The following ALDH1A3 variants were observed in gnomAD, a reference collection of about 807,000 sequenced individuals.
ALDH1A3 encodes aldehyde dehydrogenase 1 family member A3.
In ALDH1A3, 28 loss-of-function variants were observed where a neutral mutation model predicts 57.5. The observed-to-expected ratio is 0.49, with a 90% CI of 0.36 to 0.67. ALDH1A3 has a LOEUF of 0.67. Among genes scored for constraint, ALDH1A3 ranks in the 30% least tolerant of loss-of-function variants. The probability of loss-of-function intolerance (pLI) is 0.00; values close to 1 mark genes in which losing one functional copy is unlikely to be tolerated. For missense variants in ALDH1A3, 507 were observed against 669.4 expected (o/e 0.76, Z 2.68); for synonymous variants, 281 against 264.8 (o/e 1.06, Z -0.59).
At chr15:100,913,316 T>G (rs910672823) in intron 12 of ALDH1A3, 5 of 152,268 alleles carry the variant, frequency 3.3e-5, no homozygotes, top group African/African-American at 1.2e-4. Context: ...GATAAAAATC[T>G]GACACAGGTC....
intron 12 of ALDH1A3, chr15:100,914,166 C>G (rs2041908546): frequency 6.5e-6 from 1 of 153,294 alleles, no homozygotes. Context: ...ACAGCTGGTC[C>G]CCAGCTGTGC....
At chr15:100,904,890 G>T (rs1220555052) in intron 9 of ALDH1A3, among the ~76,000 whole-genome samples, 1 of 152,168 alleles carries the variant, frequency 6.6e-6, no homozygotes, top group Non-Finnish European at 1.5e-5. Flanking sequence ...GTCCCCAGGG[G>T]TGTTGAGTAA....
At position 100,891,079 on chromosome 15, in the gene ALDH1A3, G is replaced by A. The variant is rs28711429; in HGVS notation, c.346-1431G>A. ...GTGAGGATCGCCAAGCCCTTCTCTGGTGCCTAAAGGGAAGTTGATGATAGT... is the reference window on the plus strand; with the variant it reads ...GTGAGGATCGCCAAGCCCTTCTCTGATGCCTAAAGGGAAGTTGATGATAGT... On this transcript the variant is annotated intron_variant, in intron 3 of 12. Transcript: ENST00000329841. Among the ~76,000 whole-genome samples, 1,073 of 152,296 alleles carry A rather than the reference G, an allele frequency of 7.0e-3. 15 individuals are homozygous for A. Among genetic ancestry groups the A allele is most frequent in the East Asian group, 0.023 (118 of 5,176 alleles).
chr15:100,908,966 C>T (rs972353342), intron 12 of ALDH1A3, among the ~76,000 whole-genome samples: 2 of 152,302 alleles, frequency 1.3e-5, no homozygotes, highest in Middle Eastern at 3.4e-3. Context: ...TCCTGCTGGG[C>T]CTCTGCGGCC....
In ALDH1A3 at chr15:100,887,259, C is replaced by T. The variant is rs1396242861; in HGVS notation, c.205-313C>T. Among the ~76,000 whole-genome samples the T allele has an allele frequency of 1.3e-5, 2 of 152,108 alleles. No individual in the cohort carries two copies. The highest frequency in any genetic ancestry group is 4.8e-5 in the African/African-American group (2 of 41,396). On this transcript the variant is annotated intron_variant, in intron 2 of 12. Coordinates refer to ENST00000329841, the MANE Select transcript of ALDH1A3 (RefSeq NM_000693.4). This position sits in a 1 kb window ranked among gnomAD's most constrained non-coding sequence, Gnocchi z 4.6. ...TGGCCGTGGTCCCAAACTGCAGTCA[C>T]GTCAAAAGATGACACCCAAACTGCA...
intron 3 of ALDH1A3, 54 bp from the exon 4 acceptor site, chr15:100,892,456 A>C: frequency 6.2e-7 from 1 of 1,608,464 alleles, no homozygotes; most frequent in Non-Finnish European, 8.5e-7. Flanking sequence ...ACAACCTGAC[A>C]GTGCAAAAGA....
rs574567877 is a variant in ALDH1A3, at chr15:100,894,986, G to T, written c.666+904G>T. 10 of 152,312 alleles carry T rather than the reference G, an allele frequency of 6.6e-5. No individual in the cohort carries two copies. The highest frequency in any genetic ancestry group is 2.4e-4 in the African/African-American group (10 of 41,574). 9.4% of individuals were successfully genotyped at this position (152,312 alleles called of 1,614,324 possible). A position where few individuals can be genotyped will look rare whatever the true frequency, so the allele number is the denominator to read the frequency against. On this transcript the variant is annotated intron_variant, in intron 6 of 12. Coordinates refer to ENST00000329841, the MANE Select transcript of ALDH1A3 (RefSeq NM_000693.4). The surrounding 1 kb of genome is among the most constrained non-coding windows in gnomAD (Gnocchi z 4.5). ...GGGAAGAGCATCCTCCACCTCGTTTGTTTTGTGTTCTCGCCTGATAAAGAG... is the reference window on the plus strand; with the variant it reads ...GGGAAGAGCATCCTCCACCTCGTTTTTTTTGTGTTCTCGCCTGATAAAGAG...
In ALDH1A3 at chr15:100,900,733, G is replaced by T. The variant is rs772610695; in HGVS notation, c.1042G>T (p.Asp348Tyr). Residue 348 changes from aspartate to tyrosine, a missense_variant, in exon 9 of 13, where the codon GAT (aspartate) becomes TAT (tyrosine). Transcript: ENST00000329841. The stretch of plus-strand genomic sequence containing the variant: ...GAAACGGCCCGTGGGAGACCCCTTC[G>T]ATGTCAAAACAGAACAGGGGCCTCA... Reference protein sequence around the residue: ...AKKRPVGDPFDVKTEQGPQID... With the variant: ...AKKRPVGDPFYVKTEQGPQID... The T allele has an allele frequency of 2.5e-6, 4 of 1,614,076 alleles. No individual in the cohort carries two copies. The highest frequency in any genetic ancestry group is 3.4e-6 in the Non-Finnish European group (4 of 1,179,996).
In ALDH1A3 at chr15:100,893,809, T is replaced by C; in HGVS notation, c.538-145T>C. The C allele has an allele frequency of 9.0e-7, 1 of 1,113,342 alleles. No homozygotes were observed. The highest frequency in any genetic ancestry group is 1.3e-6 in the Non-Finnish European group (1 of 788,448). The allele number at this position is 1,113,342 out of a possible 1,614,324, so 69.0% of individuals were successfully genotyped here. A position where few individuals can be genotyped will look rare whatever the true frequency, so the allele number is the denominator to read the frequency against. ...GAAGTGCTGTGCAGGATTGCAGTTC[T>C]GATCATTGCACACTCCTATGTTACC... On this transcript the variant is annotated intron_variant, in intron 5 of 12. Coordinates refer to ENST00000329841, the MANE Select transcript of ALDH1A3 (RefSeq NM_000693.4). This position sits in a 1 kb window ranked among gnomAD's most constrained non-coding sequence, Gnocchi z 4.8.
chr15:100,889,360 T>TG lies in ALDH1A3; in HGVS notation c.345+1649dup, dbSNP rs1446359630. 6.6e-6 allele frequency among the ~76,000 whole-genome samples: 1 copy of TG among 152,020 alleles called. No individual in the cohort carries two copies. The highest frequency in any genetic ancestry group is 2.4e-5 in the African/African-American group (1 of 41,368). ...ACTCTTGGGTGCATTTCCCTAAGGGTGCATCCACACAGAAACTCGAGCTCC... is the reference window on the plus strand; with the variant it reads ...ACTCTTGGGTGCATTTCCCTAAGGGTGGCATCCACACAGAAACTCGAGCTCC... On this transcript the variant is annotated intron_variant, in intron 3 of 12. Transcript: ENST00000329841. This position sits in a 1 kb window ranked among gnomAD's most constrained non-coding sequence, Gnocchi z 5.1.
intron 7 of ALDH1A3, among the ~76,000 whole-genome samples, chr15:100,896,706 GA>G (rs2041707507): frequency 6.6e-6 from 1 of 152,076 alleles, no homozygotes; most frequent in South Asian, 2.1e-4. Flanking sequence ...TTCAAAAAAA[GA>G]AAAAACTACT....
At position 100,892,585 on chromosome 15, in the gene ALDH1A3, C is replaced by A; in HGVS notation, c.421C>A (p.Leu141Ile). Residue 141 changes from leucine (L) to isoleucine (I), a missense_variant, in exon 4 of 13, where the codon CTC (leucine) becomes ATC (isoleucine). Physicochemically the swap from Leu to Ile is conservative, Grantham distance 5. This residue lies in a region of ALDH1A3 where 432 missense variants were observed against 608.4 expected (regional missense o/e 0.71). Transcript: ENST00000329841. ...CGACCTGGAGGGCTGTATTAGAACC[C>A]TCAGATACTTTGCAGGGTGGGCAGA... ...FIDLEGCIRT[L>I]RYFAGWADKI... is the part of the protein sequence containing the mutation. 6.2e-7 allele frequency: 1 copy of A among 1,613,404 alleles called. No individual in the cohort carries two copies. The highest frequency in any genetic ancestry group is 8.5e-7 in the Non-Finnish European group (1 of 1,179,794).
intron 6 of ALDH1A3, chr15:100,895,032 G>A (rs756050917): frequency 6.6e-6 from 1 of 152,206 alleles, no homozygotes; most frequent in Non-Finnish European, 1.5e-5. Flanking sequence ...TGAAAAACAC[G>A]AGGCATGAAC....
chr15:100,913,521 C>A (rs2041903112), intron 12 of ALDH1A3: 1 of 152,246 alleles, frequency 6.6e-6, no homozygotes, highest in South Asian at 2.1e-4. Context: ...TCTTCTTCTG[C>A]CAGTTTTGGG....
At chr15:100,882,283 C>G (rs1400124863) in intron 1 of ALDH1A3, among the ~76,000 whole-genome samples, 1 of 152,208 alleles carries the variant, frequency 6.6e-6, no homozygotes, top group Non-Finnish European at 1.5e-5. Flanking sequence ...ATTTCATTCT[C>G]TAGGGTCATG....
intron 11 of ALDH1A3, 138 bp from the exon 12 acceptor site, chr15:100,908,270 C>G: frequency 1.5e-6 from 1 of 676,712 alleles, no homozygotes; most frequent in Non-Finnish European, 2.5e-6. Context: ...TTGAGAGCAC[C>G]CTGTGTTTTC....
intron 1 of ALDH1A3, among the ~76,000 whole-genome samples, chr15:100,883,870 C>A (rs1343832262): frequency 1.3e-5 from 2 of 152,150 alleles, no homozygotes; most frequent in Non-Finnish European, 1.5e-5. Flanking sequence ...TCTCATCTGT[C>A]ATCACTGGGG....
rs2041624792 is a variant in ALDH1A3 at position 100,889,172 on chromosome 15, G to A, written c.345+1460G>A. ...TCCAAACCTTGAGGCCCGGTTGTAG[G>A]GGAGGAGATCTCCTTTCTGGCCTTT... On this transcript the variant is annotated intron_variant, in intron 3 of 12. Transcript: ENST00000329841. The surrounding 1 kb of genome is among the most constrained non-coding windows in gnomAD (Gnocchi z 5.1). The A allele has an allele frequency of 2.0e-5, 3 of 152,196 alleles. No homozygotes were observed. Among genetic ancestry groups the A allele is most frequent in the Non-Finnish European group, 4.4e-5 (3 of 68,048 alleles). The allele number at this position is 152,196 out of a possible 1,614,324, so 9.4% of individuals were successfully genotyped here.
intron 10 of ALDH1A3, 33 bp from the exon 11 acceptor site, chr15:100,907,088 G>A (rs753027402): frequency 5.0e-6 from 8 of 1,606,270 alleles, no homozygotes; most frequent in Non-Finnish European, 6.8e-6. Flanking sequence ...ATTCAGTCAT[G>A]CCTCTCATTG....
Sources: gnomAD v4.1 joint callset for allele counts (sites outside exome capture counted in the v4.1 genomes callset) on GRCh38, gnomAD v4.1.1 for gene constraint, gnomAD v4.1.1 regional missense constraint, Gnocchi (gnomAD v3.1) non-coding constraint, MANE v1.5 for transcripts, NCBI Gene and HGNC (gene_info 2026-07-23, HGNC 2026-07-21) for gene names.